Variants in TBC1D5 observed in about 807,000 individuals in gnomAD.
TBC1D5 encodes TBC1 domain family, member 5.
A neutral mutation model predicts 100.3 loss-of-function variants in TBC1D5; 75 were observed. The ratio of observed to expected loss-of-function variants is 0.75; its 90% CI spans 0.62 to 0.91. TBC1D5 has a LOEUF of 0.91. Among genes scored for constraint, TBC1D5 ranks in the 40% least tolerant of loss-of-function variants. The probability of loss-of-function intolerance (pLI) is 0.00; values close to 1 mark genes in which losing one functional copy is unlikely to be tolerated. For missense variants in TBC1D5, 910 were observed against 942.4 expected (o/e 0.97, Z 0.45); for synonymous variants, 323 against 325.6 (o/e 0.99, Z 0.09).
intron 1 of TBC1D5, among the ~76,000 whole-genome samples, chr3:17,705,447 C>G (rs2073990111): frequency 6.7e-6 from 1 of 148,910 alleles, no homozygotes; most frequent in African/African-American, 2.5e-5. Context: ...CCTCACTTCT[C>G]AGACGGGGCA....
chr3:17,244,219 G>A (rs984597089), intron 16 of TBC1D5, among the ~76,000 whole-genome samples: 1 of 152,196 alleles, frequency 6.6e-6, no homozygotes, highest in African/African-American at 2.4e-5. Flanking sequence ...ACACAGCCTA[G>A]TTCTAGTCCT....
chr3:17,263,313 C>G (rs2078509221), intron 15 of TBC1D5, among the ~76,000 whole-genome samples: 1 of 127,558 alleles, frequency 7.8e-6, no homozygotes, highest in South Asian at 2.4e-4. Context: ...TTGCAGTGAG[C>G]TAAGATTGTG....
At chr3:17,477,618 C>A (rs999365827) in intron 3 of TBC1D5, among the ~76,000 whole-genome samples, 1 of 151,978 alleles carries the variant, frequency 6.6e-6, no homozygotes, top group East Asian at 1.9e-4. Flanking sequence ...TTATAAAAAT[C>A]ACTTAATCAA....
intron 3 of TBC1D5, among the ~76,000 whole-genome samples, chr3:17,428,737 C>T (rs910336031): frequency 7.9e-5 from 12 of 151,798 alleles, no homozygotes; most frequent in Admixed American, 6.6e-5. Context: ...GTAACAGTAC[C>T]AAAGTAATTG....
chr3:17,616,522 T>C (rs906669779), intron 2 of TBC1D5, among the ~76,000 whole-genome samples: 2 of 152,214 alleles, frequency 1.3e-5, no homozygotes, highest in Non-Finnish European at 2.9e-5. Context: ...TGTGGGAGTC[T>C]AAGTCTCTTT....
intron 18 of TBC1D5, among the ~76,000 whole-genome samples, chr3:17,205,465 G>A (rs1042834139): frequency 6.6e-6 from 1 of 152,186 alleles, no homozygotes; most frequent in Non-Finnish European, 1.5e-5. Context: ...AACTCCAGTT[G>A]CCTGAAAATC....
chr3:17,726,473 CATTTAT>C (rs1204207393), intron 1 of TBC1D5, among the ~76,000 whole-genome samples: 1 of 152,148 alleles, frequency 6.6e-6, no homozygotes, highest in Non-Finnish European at 1.5e-5. Flanking sequence ...TGATGCTGAG[CATTTAT>C]TCATATGCTT....
At chr3:17,492,583 T>C (rs192038980) in intron 3 of TBC1D5, among the ~76,000 whole-genome samples, 1 of 152,200 alleles carries the variant, frequency 6.6e-6, no homozygotes, top group Admixed American at 6.5e-5. Flanking sequence ...TACAGGAATG[T>C]GCCACCAGGT....
chr3:17,258,218 T>C (rs907186900), intron 16 of TBC1D5, among the ~76,000 whole-genome samples: 11 of 152,084 alleles, frequency 7.2e-5, no homozygotes, highest in Admixed American at 1.3e-4. Flanking sequence ...TAGAAAGAGA[T>C]TATACAAGTA....
exon 12 of TBC1D5, chr3:17,374,529 G>A (rs1411772710): frequency 6.2e-7 from 1 of 1,611,784 alleles, no homozygotes; most frequent in Non-Finnish European, 8.5e-7. Flanking sequence ...CATAAGTTGT[G>A]AGAACACTGC....
At chr3:17,567,327 TTAA>T (rs1311673406) in intron 2 of TBC1D5, among the ~76,000 whole-genome samples, 2 of 151,792 alleles carry the variant, frequency 1.3e-5, no homozygotes, top group African/African-American at 4.8e-5. Context: ...AAAGTGCAAC[TTAA>T]TAAATCATGT....
At chr3:17,313,570 C>A (rs1416130033) in intron 13 of TBC1D5, among the ~76,000 whole-genome samples, 1 of 152,142 alleles carries the variant, frequency 6.6e-6, no homozygotes, top group Non-Finnish European at 1.5e-5. Flanking sequence ...ACATGTCTGA[C>A]TTTATTTTTT....
At chr3:17,267,648 G>C (rs2149596153) in intron 15 of TBC1D5, among the ~76,000 whole-genome samples, 1 of 152,196 alleles carries the variant, frequency 6.6e-6, no homozygotes, top group East Asian at 1.9e-4. Flanking sequence ...AATACTGTTA[G>C]AATTTTTGAA....
intron 13 of TBC1D5, among the ~76,000 whole-genome samples, chr3:17,371,272 GA>G (rs2092443476): frequency 6.6e-6 from 1 of 152,104 alleles, no homozygotes; most frequent in Admixed American, 6.6e-5. Flanking sequence ...TGATATAATG[GA>G]AAGAACATGA....
chr3:17,642,462 T>C, intron 1 of TBC1D5, among the ~76,000 whole-genome samples: 1 of 152,150 alleles, frequency 6.6e-6, no homozygotes, highest in Non-Finnish European at 1.5e-5. Context: ...AGAGTCAGTA[T>C]CCGTCAGAAC....
At chr3:17,290,132 A>T (rs889482143) in intron 15 of TBC1D5, among the ~76,000 whole-genome samples, 1 of 152,170 alleles carries the variant, frequency 6.6e-6, no homozygotes, top group African/African-American at 2.4e-5. Flanking sequence ...TGTACTGATC[A>T]TGTTTTTACT....
exon 22 of TBC1D5, chr3:17,158,736 T>C (rs2065796474): frequency 1.3e-5 from 2 of 152,252 alleles, no homozygotes; most frequent in Non-Finnish European, 1.5e-5. Flanking sequence ...GAGAGCCTTA[T>C]TGGCATGGTG....
intron 14 of TBC1D5, among the ~76,000 whole-genome samples, 194 bp downstream of exon 14, chr3:17,307,798 C>A (rs562030417): frequency 6.6e-6 from 1 of 152,282 alleles, no homozygotes; most frequent in East Asian, 1.9e-4. Context: ...TGACTCACAT[C>A]TCCCAATGTG....
chr3:17,554,135 T>C (rs986115344), intron 2 of TBC1D5, among the ~76,000 whole-genome samples: 5 of 152,194 alleles, frequency 3.3e-5, no homozygotes, highest in African/African-American at 1.2e-4. Flanking sequence ...CCATAACATA[T>C]TTGGTGAGAA....
Sources: gnomAD v4.1 joint callset for allele counts (sites outside exome capture counted in the v4.1 genomes callset) on GRCh38, gnomAD v4.1.1 for gene constraint, MANE v1.5 for transcripts, NCBI Gene and HGNC (gene_info 2026-07-23, HGNC 2026-07-21) for gene names.